The following SLC41A3 variants were observed in gnomAD, a reference collection of about 807,000 sequenced individuals.
The protein encoded by SLC41A3 is solute carrier family 41 member 3, also known as SLC41A1-like 2.
In SLC41A3, 44 loss-of-function variants were observed where a neutral mutation model predicts 45.4. The observed-to-expected ratio is 0.97, with a 90% confidence interval of 0.76 to 1.25. The LOEUF is 1.25. Among genes scored for constraint, SLC41A3 ranks in the 50% most tolerant of loss-of-function variants. The probability of loss-of-function intolerance (pLI) is 0.00; values close to 1 mark genes in which losing one functional copy is unlikely to be tolerated. For missense variants in SLC41A3, 550 were observed against 600.6 expected (o/e 0.92, Z 0.88); for synonymous variants, 256 against 252.4 (o/e 1.01, Z -0.13).
chr3:126,008,831 G>C lies in SLC41A3; in HGVS notation c.1155C>G (p.Gly385=). 1.2e-6 allele frequency: 2 copies of C among 1,614,154 alleles called. No individual in the cohort carries two copies. The change falls in exon 10 of 11, where the codon GGC becomes GGG. Residue 385 remains glycine (G), a synonymous_variant. Transcript: ENST00000360370. ...AGATGATGTAGAAGAAAATCAGATG[G>C]CCTGGGACCACCAGCAAGAGCAGGA... ...ARVLLLLVVP[G]HLIFFYIIYL...
At chr3:126,069,450 T>G (rs1559881140) in intron 1 of SLC41A3, among the ~76,000 whole-genome samples, 1 of 152,088 alleles carries the variant, frequency 6.6e-6, no homozygotes, top group African/African-American at 2.4e-5. Context: ...TGGAGGATGT[T>G]TGCAGGATTG....
chr3:126,099,777 G>A lies in SLC41A3; in HGVS notation c.-79+1652C>T, dbSNP rs73859013. Among the ~76,000 whole-genome samples the A allele has an allele frequency of 4.2e-3, 640 of 152,338 alleles. 9 individuals carry two copies. The Middle Eastern group carries it at 0.065, about 15-fold the overall frequency. ...TTTAACTCTTCCTCTACTGTTTGCT[G>A]TTTTGGTTGCTCCAAAACTTTATAA... On this transcript the variant is annotated intron_variant, in intron 1 of 9. Coordinates refer to the SLC41A3 transcript ENST00000508835.
chr3:126,029,878 T>C (rs944139956), intron 4 of SLC41A3, among the ~76,000 whole-genome samples: 3 of 151,914 alleles, frequency 2.0e-5, no homozygotes, highest in African/African-American at 7.3e-5. Context: ...AAAAGAACCA[T>C]GAATATATGA....
intron 1 of SLC41A3, among the ~76,000 whole-genome samples, chr3:126,094,847 T>C (rs1331400378): frequency 6.6e-6 from 1 of 152,368 alleles, no homozygotes; most frequent in South Asian, 2.1e-4. Context: ...GATATGCCTA[T>C]TAATGTGATT....
chr3:126,059,310 G>GAAAGAAAGAAA (rs1553740822), intron 2 of SLC41A3, among the ~76,000 whole-genome samples: 2 of 88,078 alleles, frequency 2.3e-5, no homozygotes, highest in South Asian at 4.2e-4. Context: ...AAGAAAGAAA[G>GAAAGAAAGAAA]GAAGGATGAT....
At chr3:126,033,480 G>A (rs554071997) in intron 4 of SLC41A3, 127 bp downstream of exon 4, 3 of 990,918 alleles carry the variant, frequency 3.0e-6, no homozygotes, top group East Asian at 5.2e-5. Flanking sequence ...GGAGGGACAG[G>A]TAGCTACCTG....
chr3:126,059,284 A>AG (rs1943901361), intron 2 of SLC41A3, among the ~76,000 whole-genome samples: 3 of 124,694 alleles, frequency 2.4e-5, no homozygotes, highest in Non-Finnish European at 3.6e-5. Context: ...GAAAGAAAGA[A>AG]AGAAAGAAAG....
chr3:126,057,883 G>T (rs1169215920), intron 2 of SLC41A3: 2 of 152,288 alleles, frequency 1.3e-5, no homozygotes, highest in African/African-American at 4.8e-5. Context: ...CTGAGAGCTA[G>T]AGTTTCTGAC....
At chr3:126,036,986 C>T (rs994105304) in intron 3 of SLC41A3, among the ~76,000 whole-genome samples, 12 of 152,140 alleles carry the variant, frequency 7.9e-5, no homozygotes, top group South Asian at 2.1e-4. Flanking sequence ...GAGACAGTCA[C>T]GCATATGGTT....
At chr3:126,017,454 C>T (rs1940418450) in intron 6 of SLC41A3, among the ~76,000 whole-genome samples, 1 of 152,218 alleles carries the variant, frequency 6.6e-6, no homozygotes, top group Non-Finnish European at 1.5e-5. Context: ...CTCGTGTCCC[C>T]ATCTCATCTT....
intron 6 of SLC41A3, among the ~76,000 whole-genome samples, chr3:126,021,026 C>G (rs894930624): frequency 6.6e-6 from 1 of 152,102 alleles, no homozygotes; most frequent in Non-Finnish European, 1.5e-5. Context: ...TGCCGAGTAG[C>G]TGGGACTACA....
chr3:126,099,859 C>T (rs763468638), intron 1 of SLC41A3, among the ~76,000 whole-genome samples: 10 of 152,188 alleles, frequency 6.6e-5, no homozygotes, highest in Non-Finnish European at 1.2e-4. Context: ...CAGCCCTGAG[C>T]TCTCAGTAGC....
intron 1 of SLC41A3, among the ~76,000 whole-genome samples, chr3:126,069,786 A>T (rs147120868): frequency 2.1e-3 from 327 of 152,294 alleles, no homozygotes; most frequent in African/African-American, 7.6e-3. Context: ...AATTATTTTT[A>T]AAAATAACCA....
In SLC41A3 at chr3:126,066,430, A is replaced by G. The variant is rs543371660; in HGVS notation, c.273+1517T>C. ...CCATGTGTGTTTTATTGGGATACAT[A>G]CATGCTTAATATAACGCGTGAGTTT... On this transcript the variant is annotated intron_variant, in intron 2 of 10. Transcript: ENST00000360370. Among the ~76,000 whole-genome samples the G allele has an allele frequency of 3.9e-5, 6 of 152,374 alleles. No homozygotes were observed. In the South Asian group the frequency reaches 1.2e-3, roughly 32 times the overall value.
intron 5 of SLC41A3, chr3:126,023,292 G>A (rs548079679): frequency 9.3e-5 from 18 of 194,508 alleles, no homozygotes; most frequent in African/African-American, 6.9e-5. Flanking sequence ...AAAGATGCTC[G>A]GAGCAATGGA....
chr3:126,097,022 A>G (rs1945617091), intron 1 of SLC41A3, among the ~76,000 whole-genome samples: 1 of 152,206 alleles, frequency 6.6e-6, no homozygotes. Context: ...AACAGGAATG[A>G]AAGGAAGGTG....
chr3:126,009,484 CTT>C (rs772164172), intron 9 of SLC41A3, among the ~76,000 whole-genome samples: 19 of 152,164 alleles, frequency 1.2e-4, no homozygotes, highest in Non-Finnish European at 2.1e-4. Flanking sequence ...GAGTTTGAGA[CTT>C]TACAATAAGT....
Position 126,053,995 on chromosome 3 carries a change from A to G in SLC41A3, c.274-2945T>C, listed in dbSNP as rs1434297749. On this transcript the variant is annotated intron_variant, in intron 2 of 10. Transcript: ENST00000360370. ...ATTGGGGAGGCTGAAATCATCAGAA[A>G]TAATGATTCTTGCACTTGAGGGGCT... Among the ~76,000 whole-genome samples the G allele has an allele frequency of 2.0e-5, 3 of 152,276 alleles. No individual in the cohort carries two copies. In the East Asian group the frequency reaches 5.8e-4, roughly 29 times the overall value.
upstream of SLC41A3, among the ~76,000 whole-genome samples, chr3:126,089,141 G>C (rs748873882): frequency 2.6e-5 from 4 of 152,128 alleles, no homozygotes; most frequent in African/African-American, 4.8e-5. Context: ...GCCTATTACC[G>C]AAGTCATGGT....
Sources: gnomAD v4.1 joint callset for allele counts (sites outside exome capture counted in the v4.1 genomes callset) on GRCh38, gnomAD v4.1.1 for gene constraint, MANE v1.5 for transcripts, NCBI Gene and HGNC (gene_info 2026-07-23, HGNC 2026-07-21) for gene names.